Variants in TRRAP observed in about 807,000 individuals in gnomAD.
The protein encoded by TRRAP is transformation/transcription domain associated protein, also known as transformation/transcription domain-associated protein.
A neutral mutation model predicts 438.8 loss-of-function variants in TRRAP; 41 were observed. The ratio of observed to expected loss-of-function variants is 0.09; its 90% CI spans 0.07 to 0.12. TRRAP has a LOEUF of 0.12. Among genes scored for constraint, TRRAP ranks in the 10% least tolerant of loss-of-function variants. The probability of loss-of-function intolerance (pLI) is 1.00; values close to 1 mark genes in which losing one functional copy is unlikely to be tolerated. For missense variants in TRRAP, 3,122 were observed against 5,055.1 expected (o/e 0.62, Z 11.60); for synonymous variants, 1,994 against 1,962.9 (o/e 1.02, Z -0.42).
chr7:98,979,023 G>A, intron 58 of TRRAP, 119 bp downstream of exon 58: 3 of 1,308,612 alleles, frequency 2.3e-6, no homozygotes, highest in Non-Finnish European at 3.1e-6. Context: ...CAGCTTTTGG[G>A]AAGGAAAGGT....
intron 43 of TRRAP, among the ~76,000 whole-genome samples, chr7:98,957,609 C>T (rs1791678354): frequency 6.6e-6 from 1 of 152,164 alleles, no homozygotes; most frequent in African/African-American, 2.4e-5. Flanking sequence ...CTCAATGCAC[C>T]CCTGGTTCTG....
chr7:98,930,356 C>T, intron 24 of TRRAP, 150 bp downstream of exon 24: 10 of 1,045,206 alleles, frequency 9.6e-6, no homozygotes, highest in South Asian at 1.7e-5. Context: ...GCGGGCGGCT[C>T]ACCTGAGGTT....
At chr7:98,915,653 C>T in intron 18 of TRRAP, 70 bp from the exon 19 acceptor site, 1 of 1,527,756 alleles carries the variant, frequency 6.5e-7, no homozygotes, top group Non-Finnish European at 8.8e-7. Context: ...TACAGTGACA[C>T]TTTAGAGTCT....
At chr7:99,006,707 T>G (rs1388074628) in intron 69 of TRRAP, among the ~76,000 whole-genome samples, 1 of 152,230 alleles carries the variant, frequency 6.6e-6, no homozygotes, top group East Asian at 1.9e-4. Flanking sequence ...CAGCTGCCAC[T>G]GGGACCCTCA....
intron 48 of TRRAP, 66 bp downstream of exon 48, chr7:98,964,841 C>T: frequency 1.3e-5 from 19 of 1,514,248 alleles, no homozygotes; most frequent in Non-Finnish European, 1.7e-5. Flanking sequence ...CTCTGTTGTG[C>T]AGGCTGGGGC....
chr7:99,000,043 T>C (rs1739290999), intron 67 of TRRAP: 1 of 162,508 alleles, frequency 6.2e-6, no homozygotes, highest in Non-Finnish European at 1.3e-5. Flanking sequence ...AGTTTTGCTC[T>C]GTTGCCCAGG....
Position 98,903,633 on chromosome 7 carries a change from A to G in TRRAP, c.1036+116A>G, listed in dbSNP as rs1489937760. The G allele has an allele frequency of 1.7e-5, 25 of 1,437,398 alleles. No homozygotes were observed. The Admixed American group carries it at 4.8e-4, about 28-fold the overall frequency. 89.0% of individuals were successfully genotyped at this position (1,437,398 alleles called of 1,614,324 possible). On this transcript the variant is annotated intron_variant, in intron 12 of 72. Transcript: ENST00000456197. Reference sequence around the variant, plus strand: ...GTTTCCATGTATCCTTGCTTCCTTCATTGCTGTCTTGGGTTCATTCTTTCC... The same window carrying G: ...GTTTCCATGTATCCTTGCTTCCTTCGTTGCTGTCTTGGGTTCATTCTTTCC...
chr7:98,972,732 C>G (rs993398936), intron 53 of TRRAP, among the ~76,000 whole-genome samples: 1 of 152,174 alleles, frequency 6.6e-6, no homozygotes, highest in African/African-American at 2.4e-5. Context: ...TCTGATTATT[C>G]TGTTCATATC....
At chr7:98,979,287 A>G (rs1792806497) in intron 58 of TRRAP, among the ~76,000 whole-genome samples, 2 of 152,212 alleles carry the variant, frequency 1.3e-5, no homozygotes, top group Admixed American at 1.3e-4. Flanking sequence ...AGCGGTACCA[A>G]AATCCACGGA....
At chr7:98,934,569 A>T (rs536961000) in intron 27 of TRRAP, among the ~76,000 whole-genome samples, 17 of 152,190 alleles carry the variant, frequency 1.1e-4, no homozygotes, top group Non-Finnish European at 2.5e-4. Flanking sequence ...GGTTTTCCAG[A>T]TGTCTCTCAG....
intron 23 of TRRAP, among the ~76,000 whole-genome samples, chr7:98,929,788 T>A (rs989430557): frequency 2.0e-5 from 3 of 152,054 alleles, no homozygotes; most frequent in South Asian, 2.1e-4. Context: ...GAGATGGGGT[T>A]TCACCATGTT....
In TRRAP at chr7:98,915,763, C is replaced by T. The variant is rs782796108; in HGVS notation, c.2240C>T (p.Ala747Val). 2.5e-6 allele frequency: 4 copies of T among 1,614,038 alleles called. No individual in the cohort carries two copies. The highest frequency in any genetic ancestry group is 1.7e-5 in the Admixed American group (1 of 59,992). The change falls in exon 19 of 73, where the codon GCG becomes GTG. Residue 747 changes from alanine to valine, a missense_variant. Transcript: ENST00000456197. ...ATTGTGAACAGCTCTATGGAGCTCG[C>T]GCAGACTGCCAAGGAACCCTACAAC... ...HKIVNSSMELAQTAKEPYNYF... is the reference protein window; with the variant it reads ...HKIVNSSMELVQTAKEPYNYF...
At chr7:98,981,185 TGAGGTCAGGAGTTCAAGACCA>T (rs1323976813) in intron 58 of TRRAP, among the ~76,000 whole-genome samples, 43 of 152,202 alleles carry the variant, frequency 2.8e-4, no homozygotes, top group Non-Finnish European at 4.1e-4. Context: ...GCAGATCACC[TGAGGTCAGGAGTTCAAGACCA>T]GCCTGACCAA....
intron 20 of TRRAP, among the ~76,000 whole-genome samples, chr7:98,918,305 A>C (rs939886276): frequency 5.1e-5 from 7 of 137,606 alleles, no homozygotes; most frequent in African/African-American, 1.1e-4. Context: ...ATCTCGGCTC[A>C]CTGCAACCTC....
intron 28 of TRRAP, 117 bp from the exon 29 acceptor site, chr7:98,937,039 G>A (rs373651608): frequency 7.7e-7 from 1 of 1,298,500 alleles, no homozygotes; most frequent in Non-Finnish European, 1.0e-6. Flanking sequence ...ATGAACCTGG[G>A]CAACATAGCA....
chr7:98,920,044 G>A (rs1383376440), intron 20 of TRRAP, among the ~76,000 whole-genome samples: 1 of 152,216 alleles, frequency 6.6e-6, no homozygotes, highest in East Asian at 1.9e-4. Flanking sequence ...TTATTAAGAA[G>A]CCTGTTTGAA....
chr7:98,922,012 C>G (rs1789819357), intron 21 of TRRAP, 59 bp downstream of exon 21: 1 of 1,604,330 alleles, frequency 6.2e-7, no homozygotes, highest in Non-Finnish European at 8.5e-7. Flanking sequence ...ATGTTTCAGT[C>G]TATGTGAAAT....
At chr7:98,952,252 T>C (rs191094454) in intron 39 of TRRAP, among the ~76,000 whole-genome samples, 3 of 152,330 alleles carry the variant, frequency 2.0e-5, no homozygotes, top group East Asian at 1.9e-4. Context: ...TTTTTTCTTA[T>C]GTCAATGAAA....
intron 67 of TRRAP, among the ~76,000 whole-genome samples, chr7:99,002,000 A>T (rs1793944578): frequency 6.6e-6 from 1 of 152,184 alleles, no homozygotes; most frequent in Admixed American, 6.5e-5. Flanking sequence ...ACCTCCAGGA[A>T]ATCATGCTGA....
Sources: gnomAD v4.1 joint callset for allele counts (sites outside exome capture counted in the v4.1 genomes callset) on GRCh38, gnomAD v4.1.1 for gene constraint, MANE v1.5 for transcripts, NCBI Gene and HGNC (gene_info 2026-07-23, HGNC 2026-07-21) for gene names.